Variants in MEMO1 observed in about 807,000 individuals in gnomAD.
The protein encoded by MEMO1 is mediator of cell motility 1, also known as protein MEMO1.
In MEMO1, 6 loss-of-function variants were observed where a neutral mutation model predicts 45.2. That is an observed-to-expected ratio of 0.13 (90% confidence interval 0.07 to 0.26). The LOEUF is 0.26. MEMO1 is among the 10% of genes least tolerant of loss of function. The pLI is 1.00. For synonymous variants in MEMO1, 78 were observed against 124.3 expected, an observed-to-expected ratio of 0.63 and a Z score of 2.48; for missense variants, 184 against 370.5, an observed-to-expected ratio of 0.50 and a Z score of 4.13.
intron 7 of MEMO1, among the ~76,000 whole-genome samples, chr2:31,891,751 C>T (rs957809922): frequency 6.6e-6 from 1 of 152,100 alleles, no homozygotes; most frequent in Non-Finnish European, 1.5e-5. Context: ...AACAAGGATG[C>T]CTTCACAGTG....
rs150913158 is a variant in MEMO1, at chr2:31,984,128, A to G, written c.61+26059T>C. ...CCAAAGTGTGGGTTGGACTTCAGCGACTCACATCCAAAGAACAGAATACGG... is the reference window on the plus strand; with the variant it reads ...CCAAAGTGTGGGTTGGACTTCAGCGGCTCACATCCAAAGAACAGAATACGG... On this transcript the variant is annotated intron_variant, in intron 2 of 9. Transcript: ENST00000404530. Among the ~76,000 whole-genome samples, 1,395 of 152,290 alleles carry G rather than the reference A, an allele frequency of 9.2e-3. 21 individuals carry two copies. The highest frequency in any genetic ancestry group is 0.032 in the African/African-American group (1,334 of 41,562).
chr2:31,999,020 A>T (rs1672947341), intron 2 of MEMO1, among the ~76,000 whole-genome samples: 2 of 152,172 alleles, frequency 1.3e-5, no homozygotes, highest in African/African-American at 4.8e-5. Flanking sequence ...CATCACTGCT[A>T]ATGCTCAGGG....
chr2:31,935,847 A>C (rs1216632530), intron 3 of MEMO1, among the ~76,000 whole-genome samples: 1 of 151,048 alleles, frequency 6.6e-6, no homozygotes, highest in African/African-American at 2.5e-5. Flanking sequence ...AGAAACGGCT[A>C]AAGTTTTTTC....
chr2:31,989,165 CT>C (rs1355302895), intron 2 of MEMO1, among the ~76,000 whole-genome samples: 3 of 150,996 alleles, frequency 2.0e-5, no homozygotes, highest in Non-Finnish European at 2.9e-5. Flanking sequence ...GAGCCAAAGG[CT>C]GCGGTGAGCC....
chr2:31,998,881 C>A (rs955194159), intron 2 of MEMO1, among the ~76,000 whole-genome samples: 7 of 152,124 alleles, frequency 4.6e-5, no homozygotes, highest in African/African-American at 1.7e-4. Flanking sequence ...TCCCTAAACT[C>A]CAGACTCATA....
intron 4 of MEMO1, among the ~76,000 whole-genome samples, chr2:31,921,772 G>A (rs918199041): frequency 6.6e-6 from 1 of 152,034 alleles, no homozygotes; most frequent in African/African-American, 2.4e-5. Context: ...AAGGCATCTT[G>A]TTGAAAAGAA....
Position 31,948,246 on chromosome 2 carries a change from A to G in MEMO1, c.62-4863T>C, listed in dbSNP as rs1056807742. ...TTTTAGATACCAGGACAAGCTGGTA[A>G]GAGAAACATTTCTCCACAAGGGAGC... is the stretch of plus-strand genomic sequence containing the variant. On this transcript the variant is annotated intron_variant, in intron 2 of 9. Coordinates refer to ENST00000404530, the MANE Select transcript of MEMO1 (RefSeq NM_001301833.4). Among the ~76,000 whole-genome samples the G allele has an allele frequency of 3.3e-5, 5 of 152,264 alleles. No homozygotes were observed. In the East Asian group the frequency reaches 9.6e-4, roughly 29 times the overall value.
At chr2:31,963,817 G>A in intron 2 of MEMO1, among the ~76,000 whole-genome samples, 1 of 152,160 alleles carries the variant, frequency 6.6e-6, no homozygotes, top group East Asian at 1.9e-4. Flanking sequence ...CAATACAGGA[G>A]TCACTAGCCA....
In MEMO1 at chr2:31,960,751, A is replaced by G. The variant is rs181609783; in HGVS notation, c.62-17368T>C. 1.1e-3 allele frequency among the ~76,000 whole-genome samples: 169 copies of G among 152,046 alleles called. 1 individual carries two copies. Among genetic ancestry groups the G allele is most frequent in the African/African-American group, 4.0e-3 (167 of 41,522 alleles). On this transcript the variant is annotated intron_variant, in intron 2 of 9. Transcript: ENST00000404530. ...CAGGCACCCACCACCATACCCGGCT[A>G]ATTTTTGTATTTTTAGTAGAGAGAG...
At chr2:31,930,219 A>C (rs1476156035) in intron 4 of MEMO1, among the ~76,000 whole-genome samples, 1 of 152,228 alleles carries the variant, frequency 6.6e-6, no homozygotes, top group African/African-American at 2.4e-5. Flanking sequence ...CCAAGACTGC[A>C]CCACTGCACT....
At chr2:31,940,833 A>G (rs552861627) in intron 3 of MEMO1, among the ~76,000 whole-genome samples, 119 of 152,120 alleles carry the variant, frequency 7.8e-4, no homozygotes, top group Non-Finnish European at 1.5e-3. Context: ...GCCCCTAGCC[A>G]AGTGTCATTC....
chr2:31,932,702 T>C (rs895586048), intron 3 of MEMO1, among the ~76,000 whole-genome samples: 1 of 152,186 alleles, frequency 6.6e-6, no homozygotes, highest in African/African-American at 2.4e-5. Context: ...CAAAAAGCAC[T>C]GCAATTACAG....
At chr2:31,912,222 G>A (rs951480137) in intron 6 of MEMO1, among the ~76,000 whole-genome samples, 1 of 152,026 alleles carries the variant, frequency 6.6e-6, no homozygotes, top group African/African-American at 2.4e-5. Flanking sequence ...TGTAATCCCA[G>A]CTACTTGGGA....
intron 2 of MEMO1, among the ~76,000 whole-genome samples, chr2:31,992,063 T>C (rs1672012819): frequency 6.6e-6 from 1 of 152,212 alleles, no homozygotes; most frequent in African/African-American, 2.4e-5. Context: ...TTTATAAGAA[T>C]ATCAGCTTAA....
intron 4 of MEMO1, among the ~76,000 whole-genome samples, chr2:31,927,370 A>C (rs1357593587): frequency 1.3e-5 from 2 of 152,184 alleles, no homozygotes. Context: ...TTCGCATTAT[A>C]ACTAACCTTT....
At chr2:31,991,830 G>T (rs1018242448) in intron 2 of MEMO1, among the ~76,000 whole-genome samples, 3 of 152,060 alleles carry the variant, frequency 2.0e-5, no homozygotes, top group Admixed American at 2.0e-4. Flanking sequence ...CTAAGACACA[G>T]GAGGGAAATG....
intron 4 of MEMO1, among the ~76,000 whole-genome samples, chr2:31,930,191 G>A (rs1480223924): frequency 1.3e-5 from 2 of 152,280 alleles, no homozygotes; most frequent in East Asian, 3.9e-4. Flanking sequence ...TGAACCTGGG[G>A]GCAGAAGTTG....
chr2:31,902,215 G>C lies in MEMO1; in HGVS notation c.438-10081C>G, dbSNP rs189737201. Among the ~76,000 whole-genome samples the C allele has an allele frequency of 1.1e-3, 170 of 152,090 alleles. 1 individual carries two copies. The highest frequency in any genetic ancestry group is 4.0e-3 in the African/African-American group (168 of 41,486). On this transcript the variant is annotated intron_variant, in intron 6 of 9. Coordinates refer to ENST00000404530, the MANE Select transcript of MEMO1 (RefSeq NM_001301833.4). ...GCGGATCACTTAAGGCCAGGAGTTA[G>C]AGACCAGCCTGGCTCACATGGTGAA...
chr2:32,010,237 C>G lies in MEMO1; in HGVS notation c.11G>C (p.Arg4Pro), dbSNP rs1208718747. ...GTGACTGGCTTCTCGGCAGACCACT[C>G]GGTTGGACATCTTGGTGCCTGTGCC... MSNRVVCREASHAG... is the reference protein window; with the variant it reads MSNPVVCREASHAG... Residue 4 changes from arginine (R) to proline (P), a missense_variant, in exon 2 of 10, where the codon CGA becomes CCA. Physicochemically the swap from Arg to Pro is moderately radical, Grantham distance 103. This residue lies in a region of MEMO1 where 27 missense variants were observed against 82.1 expected (regional missense o/e 0.33). Coordinates refer to ENST00000404530, the MANE Select transcript of MEMO1 (RefSeq NM_001301833.4). 7.3e-6 allele frequency: 11 copies of G among 1,510,314 alleles called. No individual in the cohort carries two copies. Among genetic ancestry groups the G allele is most frequent in the Non-Finnish European group, 9.8e-6 (11 of 1,125,994 alleles). The allele number at this position is 1,510,314 out of a possible 1,614,324, so 93.6% of individuals were successfully genotyped here. A position where few individuals can be genotyped will look rare whatever the true frequency, so the allele number is the denominator to read the frequency against.
Sources: gnomAD v4.1 joint callset for allele counts (sites outside exome capture counted in the v4.1 genomes callset) on GRCh38, gnomAD v4.1.1 for gene constraint, gnomAD v4.1.1 regional missense constraint, MANE v1.5 for transcripts, NCBI Gene and HGNC (gene_info 2026-07-23, HGNC 2026-07-21) for gene names.